Variants in NRXN3 observed in about 807,000 individuals in gnomAD.
NRXN3 encodes neurexin 3, also known as neurexin III.
In NRXN3, 32 loss-of-function variants were observed where a neutral mutation model predicts 137.6. That is an observed-to-expected ratio of 0.23 (90% CI 0.18 to 0.31). NRXN3 has a LOEUF of 0.31. Ranked by LOEUF, NRXN3 falls within the 10% of genes least tolerant of loss-of-function variation. The pLI, the probability that NRXN3 is intolerant of heterozygous loss-of-function variation, is 1.00. For missense variants in NRXN3, 1,574 were observed against 2,062.5 expected (o/e 0.76, Z 4.59); for synonymous variants, 798 against 784.5 (o/e 1.02, Z -0.29).
chr14:79,636,958 G>T (rs1315995984), intron 16 of NRXN3, among the ~76,000 whole-genome samples: 2 of 152,194 alleles, frequency 1.3e-5, no homozygotes, highest in Non-Finnish European at 2.9e-5. Context: ...TGGGTGATTA[G>T]GATGTAGCAT....
chr14:78,414,721 A>G (rs958417701), intron 4 of NRXN3, among the ~76,000 whole-genome samples: 33 of 152,330 alleles, frequency 2.2e-4, no homozygotes, highest in African/African-American at 7.7e-4. Flanking sequence ...GTCCAAGGGC[A>G]CACCATTAAA....
At chr14:78,302,729 C>T (rs979383532) in intron 4 of NRXN3, among the ~76,000 whole-genome samples, 15 of 152,208 alleles carry the variant, frequency 9.9e-5, no homozygotes, top group Admixed American at 2.6e-4. Context: ...TGTTTGTTAA[C>T]GCATTTCCCA....
At chr14:78,566,954 G>T (rs977849250) in intron 4 of NRXN3, among the ~76,000 whole-genome samples, 8 of 152,202 alleles carry the variant, frequency 5.3e-5, no homozygotes, top group African/African-American at 1.4e-4. Context: ...GGGAAGGATT[G>T]CTTGAATCCT....
intron 15 of NRXN3, among the ~76,000 whole-genome samples, chr14:79,420,553 G>T (rs2095561191): frequency 2.0e-5 from 3 of 152,112 alleles, no homozygotes. Flanking sequence ...GTACACCATG[G>T]TTGCTAGTAA....
intron 4 of NRXN3, among the ~76,000 whole-genome samples, chr14:78,566,380 G>T (rs1007375869): frequency 7.1e-4 from 104 of 146,210 alleles, no homozygotes; most frequent in African/African-American, 2.4e-3. Context: ...TAAAATGTTG[G>T]TTTTTTTTTT....
At chr14:78,927,150 C>CACTTGAGAAA (rs2099308020) in intron 10 of NRXN3, among the ~76,000 whole-genome samples, 1 of 111,724 alleles carries the variant, frequency 9.0e-6, no homozygotes, top group Non-Finnish European at 1.8e-5. Flanking sequence ...GTGAGACCCT[C>CACTTGAGAAA]AAAAAAAAAA....
intron 15 of NRXN3, among the ~76,000 whole-genome samples, chr14:79,241,162 G>A (rs1393999685): frequency 2.0e-5 from 3 of 152,102 alleles, no homozygotes; most frequent in Admixed American, 6.6e-5. Context: ...CAGGTTTAGA[G>A]GGCAACTCTG....
chr14:79,273,172 C>CAAAAAAATAAAAAAAAAAAAAAAAA (rs1555347815), intron 15 of NRXN3, among the ~76,000 whole-genome samples: 1 of 20,752 alleles, frequency 4.8e-5, no homozygotes, highest in African/African-American at 2.8e-4. Context: ...ACTCTGTGGC[C>CAAAAAAATAAAAAAAAAAAAAAAAA]AAAAAAAAAA....
intron 15 of NRXN3, among the ~76,000 whole-genome samples, chr14:79,392,842 C>T (rs1026231790): frequency 3.3e-5 from 5 of 151,692 alleles, no homozygotes; most frequent in Non-Finnish European, 7.4e-5. Flanking sequence ...TGGTGGCATG[C>T]ACCTGTAGTC....
intron 1 of NRXN3, among the ~76,000 whole-genome samples, chr14:78,228,906 G>T (rs989590052): frequency 1.3e-5 from 2 of 152,152 alleles, no homozygotes; most frequent in Non-Finnish European, 2.9e-5. Context: ...ATTTACTGAT[G>T]GTTCCCTCAT....
chr14:78,540,568 C>G (rs2096580293), intron 4 of NRXN3, among the ~76,000 whole-genome samples: 2 of 151,576 alleles, frequency 1.3e-5, no homozygotes, highest in South Asian at 4.2e-4. Context: ...GACTCTTTAT[C>G]CAATTTGCCA....
intron 1 of NRXN3, among the ~76,000 whole-genome samples, chr14:78,225,420 G>A (rs1487592320): frequency 6.6e-6 from 1 of 152,046 alleles, no homozygotes; most frequent in Non-Finnish European, 1.5e-5. Flanking sequence ...GTCTGTTCAT[G>A]TCCTTTGCCC....
rs569855024 is a variant in NRXN3 at position 79,365,725 on chromosome 14, C to CAAAAAAAAAAAAAAA, written c.3263-101491_3263-101477dup. The stretch of plus-strand genomic sequence containing the variant: ...TGGGCGACAGAGCGAGACTCTGTCT[C>CAAAAAAAAAAAAAAA]AAAAAAAAAAAAAAAAAAAGAAAAA... On this transcript the variant is annotated intron_variant, in intron 15 of 20. Transcript: ENST00000335750. Among the ~76,000 whole-genome samples the CAAAAAAAAAAAAAAA allele has an allele frequency of 7.3e-3, 308 of 42,104 alleles. 10 individuals are homozygous for CAAAAAAAAAAAAAAA. The highest frequency in any genetic ancestry group is 9.4e-3 in the Non-Finnish European group (225 of 23,838). 27.6% of individuals were successfully genotyped at this position (42,104 alleles called of 152,430 possible).
intron 1 of NRXN3, among the ~76,000 whole-genome samples, chr14:78,187,781 G>GTTTTTTTTTTTT (rs58649555): frequency 4.5e-5 from 6 of 133,740 alleles, no homozygotes; most frequent in Non-Finnish European, 6.3e-5. Flanking sequence ...GATTTTAGTT[G>GTTTTTTTTTTTT]TTTTTTTTTT....
rs1178553706 is a variant in NRXN3, at chr14:79,094,971, A to AGTGTGTGT, written c.3262+106831_3262+106832insTGTGTGTG. 8.5e-4 allele frequency among the ~76,000 whole-genome samples: 85 copies of AGTGTGTGT among 100,358 alleles called. 1 individual carries two copies. The highest frequency in any genetic ancestry group is 2.8e-3 in the African/African-American group (80 of 28,200). 65.8% of individuals were successfully genotyped at this position (100,358 alleles called of 152,430 possible). A position where few individuals can be genotyped will look rare whatever the true frequency, so the allele number is the denominator to read the frequency against. ...GAAAGAGAGAGAGAGAGAGAGAGAGAGAGAGAGAGTGTGTGTGTGTGTGTG... is the reference window on the plus strand; with the variant it reads ...GAAAGAGAGAGAGAGAGAGAGAGAGAGTGTGTGTGAGAGAGAGTGTGTGTGTGTGTGTG... On this transcript the variant is annotated intron_variant, in intron 15 of 20. Coordinates refer to ENST00000335750, the MANE Select transcript of NRXN3 (RefSeq NM_001330195.2).
chr14:78,378,994 C>A (rs767496315), intron 4 of NRXN3, among the ~76,000 whole-genome samples: 1 of 151,642 alleles, frequency 6.6e-6, no homozygotes, highest in Non-Finnish European at 1.5e-5. Context: ...TGCAAAGCAA[C>A]CCTACACACA....
rs148220305 is a variant in NRXN3 at position 78,821,843 on chromosome 14, C to T, written c.2275+11499C>T. Among the ~76,000 whole-genome samples the T allele has an allele frequency of 3.6e-3, 547 of 152,258 alleles. 3 individuals are homozygous for T. Among genetic ancestry groups the T allele is most frequent in the African/African-American group, 0.012 (503 of 41,554 alleles). ...AGTTGGAATGTTTAACTTAACTGCTCGGTTTACTTATTGACAAGCAAACTC... is the reference window on the plus strand; with the variant it reads ...AGTTGGAATGTTTAACTTAACTGCTTGGTTTACTTATTGACAAGCAAACTC... On this transcript the variant is annotated intron_variant, in intron 10 of 20. Transcript: ENST00000335750.
chr14:79,828,099 C>T (rs968251196), intron 20 of NRXN3, among the ~76,000 whole-genome samples: 1 of 152,188 alleles, frequency 6.6e-6, no homozygotes, highest in African/African-American at 2.4e-5. Context: ...GCCCCACCTC[C>T]AGCTTTGGGG....
At chr14:78,403,473 A>G (rs946446810) in intron 4 of NRXN3, among the ~76,000 whole-genome samples, 8 of 152,200 alleles carry the variant, frequency 5.3e-5, no homozygotes, top group African/African-American at 1.9e-4. Context: ...GAAAAGAGAT[A>G]GGTTTGGCAT....
Sources: gnomAD v4.1 joint callset for allele counts (sites outside exome capture counted in the v4.1 genomes callset) on GRCh38, gnomAD v4.1.1 for gene constraint, MANE v1.5 for transcripts, NCBI Gene and HGNC (gene_info 2026-07-23, HGNC 2026-07-21) for gene names.